Variants in GRIK2 observed in about 807,000 individuals in gnomAD.
GRIK2 encodes the protein glutamate ionotropic receptor kainate type subunit 2.
In GRIK2, 32 loss-of-function variants were observed where a neutral mutation model predicts 100.3. The ratio of observed to expected loss-of-function variants is 0.32; its 90% confidence interval spans 0.24 to 0.43. GRIK2 has a LOEUF of 0.43. Among genes scored for constraint, GRIK2 ranks in the 20% least tolerant of loss-of-function variants. The pLI, the probability that GRIK2 is intolerant of heterozygous loss-of-function variation, is 1.00. For missense variants in GRIK2, 843 were observed against 1,114.9 expected (o/e 0.76, Z 3.47); for synonymous variants, 417 against 389.4 (o/e 1.07, Z -0.83).
intron 7 of GRIK2, among the ~76,000 whole-genome samples, chr6:101,733,369 G>T (rs150068495): frequency 6.6e-6 from 1 of 152,066 alleles, no homozygotes; most frequent in African/African-American, 2.4e-5. Flanking sequence ...TAGAAAAATA[G>T]AAAAGAATAA....
At chr6:101,395,993 T>C (rs886224417) in intron 1 of GRIK2, among the ~76,000 whole-genome samples, 4 of 152,176 alleles carry the variant, frequency 2.6e-5, no homozygotes, top group African/African-American at 9.7e-5. Flanking sequence ...TGATATCCAA[T>C]AGCAGTAGTT....
chr6:101,914,478 A>C (rs761514426), intron 12 of GRIK2, among the ~76,000 whole-genome samples: 3 of 151,514 alleles, frequency 2.0e-5, no homozygotes, highest in African/African-American at 4.8e-5. Flanking sequence ...GGGCTATTCC[A>C]AGAAAAGAGC....
chr6:101,774,234 C>A (rs1037968764), intron 7 of GRIK2, among the ~76,000 whole-genome samples: 1 of 151,966 alleles, frequency 6.6e-6, no homozygotes, highest in African/African-American at 2.4e-5. Context: ...TCTGTTAACA[C>A]CGTAAAAATC....
At chr6:101,788,914 G>A in intron 7 of GRIK2, among the ~76,000 whole-genome samples, 1 of 152,168 alleles carries the variant, frequency 6.6e-6, no homozygotes, top group Non-Finnish European at 1.5e-5. Context: ...TAACTGGTGT[G>A]AGATGGTATC....
intron 2 of GRIK2, among the ~76,000 whole-genome samples, chr6:101,449,599 T>C (rs1770556006): frequency 6.6e-6 from 1 of 151,756 alleles, no homozygotes; most frequent in Non-Finnish European, 1.5e-5. Flanking sequence ...TGAATTATGA[T>C]TGGACAAAGA....
intron 2 of GRIK2, among the ~76,000 whole-genome samples, chr6:101,516,915 T>C (rs1774615917): frequency 6.6e-6 from 1 of 152,124 alleles, no homozygotes; most frequent in Non-Finnish European, 1.5e-5. Flanking sequence ...ACACAGTCTA[T>C]GTTTTGACAC....
rs868337042 is a variant in GRIK2 at position 101,859,468 on chromosome 6, G to A, written c.1499G>A (p.Gly500Glu). ...GATGATGCCAATGGACAATGGAATG[G>A]AATGGTTCGTGAACTAATTGATCAT... is the stretch of plus-strand genomic sequence containing the variant. ...AQDDANGQWN[G>E]MVRELIDHKA... The change falls in exon 11 of 17, where the codon GGA becomes GAA. Residue 500 changes from glycine to glutamate, a missense_variant. Gly to Glu is a moderately conservative substitution (Grantham distance 98). This residue lies in a region of GRIK2 where 519 missense variants were observed against 643.8 expected (regional missense o/e 0.81). Transcript: ENST00000369134. 1 of 1,603,836 alleles carries A rather than the reference G, an allele frequency of 6.2e-7. No homozygotes were observed. The highest frequency in any genetic ancestry group is 8.5e-7 in the Non-Finnish European group (1 of 1,171,728).
At chr6:101,547,920 G>C (rs1776324778) in intron 2 of GRIK2, among the ~76,000 whole-genome samples, 1 of 152,166 alleles carries the variant, frequency 6.6e-6, no homozygotes, top group Admixed American at 6.5e-5. Context: ...GGTTGAACTA[G>C]TTTACAGTCC....
chr6:101,814,138 A>T (rs2128420001), intron 9 of GRIK2, among the ~76,000 whole-genome samples: 1 of 152,250 alleles, frequency 6.6e-6, no homozygotes, highest in East Asian at 1.9e-4. Context: ...TAGTAGACTT[A>T]AATGTATTTT....
chr6:101,850,762 G>T (rs916623937), intron 10 of GRIK2, among the ~76,000 whole-genome samples: 11 of 152,068 alleles, frequency 7.2e-5, no homozygotes, highest in African/African-American at 2.7e-4. Flanking sequence ...CCAGTGGAAT[G>T]AAGTGCCTTT....
intron 12 of GRIK2, among the ~76,000 whole-genome samples, chr6:101,909,695 AT>A (rs918742977): frequency 1.2e-4 from 18 of 150,042 alleles, no homozygotes; most frequent in Non-Finnish European, 1.9e-4. Flanking sequence ...TTTGAAAAAA[AT>A]AATGTGTGTA....
At chr6:101,765,884 T>A (rs539211164) in intron 7 of GRIK2, among the ~76,000 whole-genome samples, 1 of 152,286 alleles carries the variant, frequency 6.6e-6, no homozygotes, top group African/African-American at 2.4e-5. Flanking sequence ...TACATCTACT[T>A]AAACTTAATT....
At chr6:101,401,353 G>A (rs1775293470) in intron 2 of GRIK2, among the ~76,000 whole-genome samples, 1 of 152,064 alleles carries the variant, frequency 6.6e-6, no homozygotes, top group Admixed American at 6.6e-5. Context: ...GTGCGTAGCA[G>A]CTTTCCAAAA....
chr6:101,696,240 T>G (rs578056149), intron 7 of GRIK2, among the ~76,000 whole-genome samples: 1 of 152,032 alleles, frequency 6.6e-6, no homozygotes, highest in Non-Finnish European at 1.5e-5. Context: ...AGGAATTTTA[T>G]TTAAAAATAG....
intron 7 of GRIK2, among the ~76,000 whole-genome samples, chr6:101,779,172 T>A (rs918446789): frequency 6.6e-6 from 1 of 152,190 alleles, no homozygotes; most frequent in Non-Finnish European, 1.5e-5. Context: ...CTGTTTTTTT[T>A]AATACCTTAA....
At chr6:101,555,669 T>C (rs2245953) in intron 2 of GRIK2, among the ~76,000 whole-genome samples, 121,218 of 151,842 alleles carry the variant, frequency 0.8, 48,715 homozygotes, top group African/African-American at 0.87. Flanking sequence ...TTTGTAGAAA[T>C]TTTAAATATG....
At chr6:101,805,097 A>G (rs1780910301) in intron 9 of GRIK2, among the ~76,000 whole-genome samples, 1 of 151,854 alleles carries the variant, frequency 6.6e-6, no homozygotes, top group Non-Finnish European at 1.5e-5. Flanking sequence ...CCTCATGATG[A>G]CTGAGTGTTA....
intron 12 of GRIK2, among the ~76,000 whole-genome samples, chr6:101,909,278 C>G (rs1445440394): frequency 6.7e-6 from 1 of 149,010 alleles, no homozygotes; most frequent in East Asian, 2.0e-4. Context: ...TCCTATAAAT[C>G]TCTATAAATA....
chr6:101,956,793 T>TTATATA (rs149641800), intron 14 of GRIK2, among the ~76,000 whole-genome samples: 2 of 147,280 alleles, frequency 1.4e-5, no homozygotes, highest in Non-Finnish European at 3.0e-5. Flanking sequence ...TAAAATTTTC[T>TTATATA]TATATATATC....
Sources: gnomAD v4.1 joint callset for allele counts (sites outside exome capture counted in the v4.1 genomes callset) on GRCh38, gnomAD v4.1.1 for gene constraint, gnomAD v4.1.1 regional missense constraint, MANE v1.5 for transcripts, NCBI Gene and HGNC (gene_info 2026-07-23, HGNC 2026-07-21) for gene names.